MYSM1: variants seen among roughly 807,000 people sequenced by gnomAD.
The protein encoded by MYSM1 is deubiquitinase MYSM1.
Under a neutral mutation model 116.0 loss-of-function variants are expected in MYSM1, and 51 were observed. That is an observed-to-expected ratio of 0.44 (90% CI 0.35 to 0.56). The LOEUF is 0.56. Among genes scored for constraint, MYSM1 ranks in the 20% least tolerant of loss-of-function variants. The pLI is 0.00. For missense variants in MYSM1, 900 were observed against 974.9 expected, an observed-to-expected ratio of 0.92 and a Z score of 1.02; for synonymous variants, 313 against 315.2, an observed-to-expected ratio of 0.99 and a Z score of 0.07.
At chr1:58,694,493 C>T (rs946979014) in intron 2 of MYSM1, among the ~76,000 whole-genome samples, 1 of 151,984 alleles carries the variant, frequency 6.6e-6, no homozygotes, top group African/African-American at 2.4e-5. Context: ...GGGTGGCACA[C>T]GCCTGTAGTC....
chr1:58,662,604 C>G (rs1354066815), intron 17 of MYSM1, among the ~76,000 whole-genome samples: 3 of 151,320 alleles, frequency 2.0e-5, no homozygotes, highest in Non-Finnish European at 4.4e-5. Context: ...ACTGCCTCAA[C>G]TGGGTTTCTA....
At position 58,695,213 on chromosome 1, in the gene MYSM1, A is replaced by G. The variant is rs2064374; in HGVS notation, c.69-6T>C. ...ATGCTGTATTTTCACCACTTCTGTA[A>G]TAATTAAGAAAATGAGTATATAAGT... On this transcript the variant is annotated splice_polypyrimidine_tract_variant and splice_region_variant and intron_variant, in intron 1 of 19. Coordinates refer to ENST00000472487, the MANE Select transcript of MYSM1 (RefSeq NM_001085487.3). 0.4 allele frequency: 626,986 copies of G among 1,552,718 alleles called. 128,111 individuals carry two copies. Among genetic ancestry groups the G allele is most frequent in the Middle Eastern group, 0.5 (2,979 of 5,958 alleles).
chr1:58,668,913 AGAGT>A (rs912503368), intron 13 of MYSM1, 67 bp downstream of exon 13: 2 of 1,192,098 alleles, frequency 1.7e-6, no homozygotes, highest in Non-Finnish European at 2.3e-6. Context: ...ATACGGAAAA[AGAGT>A]AAGCATTTCC....
intron 2 of MYSM1, among the ~76,000 whole-genome samples, chr1:58,694,759 C>A (rs1354261232): frequency 6.6e-6 from 1 of 152,082 alleles, no homozygotes; most frequent in Admixed American, 6.5e-5. Context: ...ATCTCAAACT[C>A]CTGGGCTCAA....
Position 58,669,041 on chromosome 1 carries a change from G to A in MYSM1, c.1662-3C>T. Reference sequence around the variant, plus strand: ...TCAGTTGGAAGGGATCAAACGAGCTGAAAAAGAAAAAAAATTTTCAATACA... The same window carrying A: ...TCAGTTGGAAGGGATCAAACGAGCTAAAAAAGAAAAAAAATTTTCAATACA... On this transcript the variant is annotated splice_polypyrimidine_tract_variant and splice_region_variant and intron_variant, in intron 12 of 19. Coordinates refer to ENST00000472487, the MANE Select transcript of MYSM1 (RefSeq NM_001085487.3). The A allele has an allele frequency of 2.5e-6, 4 of 1,572,602 alleles. No homozygotes were observed. The highest frequency in any genetic ancestry group is 2.0e-5 in the Admixed American group (1 of 49,024).
At chr1:58,663,509 G>A (rs1471552243) in intron 17 of MYSM1, among the ~76,000 whole-genome samples, 2 of 152,154 alleles carry the variant, frequency 1.3e-5, no homozygotes, top group Admixed American at 6.5e-5. Context: ...CTTAATTCTT[G>A]CACCAGAGGA....
At chr1:58,661,341 T>C (rs1644388677) in intron 18 of MYSM1, 65 bp downstream of exon 18, 1 of 1,362,938 alleles carries the variant, frequency 7.3e-7, no homozygotes, top group African/African-American at 1.4e-5. Context: ...ACTTGGGTTT[T>C]CTCTGAAACA....
chr1:58,691,368 C>G (rs1184071651), intron 3 of MYSM1, among the ~76,000 whole-genome samples: 1 of 152,158 alleles, frequency 6.6e-6, no homozygotes, highest in Non-Finnish European at 1.5e-5. Context: ...TATTTATTGG[C>G]TATCTACTGC....
intron 1 of MYSM1, among the ~76,000 whole-genome samples, chr1:58,698,703 C>T (rs969637700): frequency 6.6e-6 from 1 of 152,062 alleles, no homozygotes; most frequent in Non-Finnish European, 1.5e-5. Context: ...TAACTTGTTG[C>T]GAAAAGTAAA....
rs569512271 is a variant in MYSM1 at position 58,682,536 on chromosome 1, C to T, written c.508G>A (p.Gly170Ser). ...RQYFKNKVKC[G>S]LDKETPNQKT... ...TGATTTGGTGTTTCTTTATCCAGAC[C>T]GCATTTGACCTTATTAAAAATCAAA... The change falls in exon 8 of 20, where the codon GGT (glycine) becomes AGT (serine). Residue 170 changes from glycine to serine, a missense_variant. Around this residue, in one of 3 missense-constraint regions of MYSM1, gnomAD observed 622 missense variants for 623.7 expected, o/e 1.00. Transcript: ENST00000472487. 1.6e-4 allele frequency: 247 copies of T among 1,567,544 alleles called. 3 individuals carry two copies. In the South Asian group the frequency reaches 2.6e-3, roughly 17 times the overall value.
intron 10 of MYSM1, 95 bp downstream of exon 10, chr1:58,675,382 G>T: frequency 1.3e-6 from 1 of 794,374 alleles, no homozygotes; most frequent in South Asian, 1.7e-5. Context: ...TCTACTAAAT[G>T]GTCATTTATT....
At position 58,667,037 on chromosome 1, in the gene MYSM1, C is replaced by G. The variant is rs774876173; in HGVS notation, c.2031+1G>C. 1 of 1,589,370 alleles carries G rather than the reference C, an allele frequency of 6.3e-7. No homozygotes were observed. The highest frequency in any genetic ancestry group is 8.6e-7 in the Non-Finnish European group (1 of 1,161,664). ...ACAGAATATAAATATACATGTAATACCTGGTATTTAGCTTGTGTGTCAATA... is the reference window on the plus strand; with the variant it reads ...ACAGAATATAAATATACATGTAATAGCTGGTATTTAGCTTGTGTGTCAATA... On this transcript the variant is annotated splice_donor_variant, in intron 16 of 19. Coordinates refer to ENST00000472487, the MANE Select transcript of MYSM1 (RefSeq NM_001085487.3). LOFTEE classifies it high-confidence loss of function.
intron 13 of MYSM1, 39 bp downstream of exon 13, chr1:58,668,945 G>C (rs1644514777): frequency 6.8e-7 from 1 of 1,479,498 alleles, no homozygotes; most frequent in Admixed American, 1.9e-5. Flanking sequence ...CGGGGAAGCG[G>C]GGATTGTCTA....
At chr1:58,681,330 A>C (rs138680680) in intron 8 of MYSM1, among the ~76,000 whole-genome samples, 1 of 152,374 alleles carries the variant, frequency 6.6e-6, no homozygotes, top group African/African-American at 2.4e-5. Flanking sequence ...TTAATAGCAC[A>C]TTATTGTCAC....
intron 13 of MYSM1, 96 bp downstream of exon 13, chr1:58,668,887 TA>T: frequency 9.8e-7 from 1 of 1,020,100 alleles, no homozygotes; most frequent in Non-Finnish European, 1.5e-6. Context: ...AGTCTTTTTA[TA>T]CATATGCCTT....
chr1:58,668,517 A>G, intron 14 of MYSM1, 115 bp downstream of exon 14: 2 of 1,389,886 alleles, frequency 1.4e-6, no homozygotes. Context: ...TCCTTGTAAA[A>G]GAGGACAGTT....
rs1207246874 is a variant in MYSM1, at chr1:58,681,854, A to G, written c.1190T>C (p.Phe397Ser). The G allele has an allele frequency of 6.2e-7, 1 of 1,611,654 alleles. No homozygotes were observed. The highest frequency in any genetic ancestry group is 1.3e-5 in the African/African-American group (1 of 74,660). The change falls in exon 8 of 20, where the codon TTT (phenylalanine) becomes TCT (serine). Residue 397 changes from phenylalanine (F) to serine (S), a missense_variant. Physicochemically the swap from Phe to Ser is radical, Grantham distance 155. Transcript: ENST00000472487. ...QEEEKQAIPE[F>S]FEGRQAKTPE... Reference sequence around the variant, plus strand: ...TGTTTTAGCTTGGCGCCCCTCAAAAAACTCAGGAATTGCTTGTTTTTCTTC... The same window carrying G: ...TGTTTTAGCTTGGCGCCCCTCAAAAGACTCAGGAATTGCTTGTTTTTCTTC...
At position 58,668,923 on chromosome 1, in the gene MYSM1, T is replaced by C. The variant is rs1644513749; in HGVS notation, c.1716+61A>G. ...TGCACATACGGAAAAAGAGTAAGCA[T>C]TTCCTGTTTGACGGGGAAGCGGGGA... On this transcript the variant is annotated intron_variant, in intron 13 of 19. Coordinates refer to ENST00000472487, the MANE Select transcript of MYSM1 (RefSeq NM_001085487.3). The C allele has an allele frequency of 5.8e-6, 7 of 1,206,894 alleles. No homozygotes were observed. The East Asian group carries it at 1.9e-4, about 32-fold the overall frequency. 74.8% of individuals were successfully genotyped at this position (1,206,894 alleles called of 1,614,324 possible). A position where few individuals can be genotyped will look rare whatever the true frequency, so the allele number is the denominator to read the frequency against.
chr1:58,698,423 C>T (rs1272578461), intron 1 of MYSM1, among the ~76,000 whole-genome samples: 2 of 151,792 alleles, frequency 1.3e-5, no homozygotes, highest in Non-Finnish European at 2.9e-5. Context: ...TAATGATACT[C>T]CTTGGGGTTG....
Sources: allele counts gnomAD v4.1 joint callset (sites outside exome capture counted in the v4.1 genomes callset), GRCh38; gene constraint gnomAD v4.1.1; regional missense constraint gnomAD v4.1.1; transcripts MANE v1.5; gene names NCBI Gene and HGNC (gene_info 2026-07-23, HGNC 2026-07-21).